Variants in LYRM4 observed in about 807,000 individuals in gnomAD.
LYRM4 encodes the protein LYR motif containing 4, also known as LYR motif-containing protein 4.
Under a neutral mutation model 11.7 loss-of-function variants are expected in LYRM4, and 9 were observed. The observed-to-expected ratio is 0.77, with a 90% CI of 0.46 to 1.34. LYRM4 has a LOEUF of 1.34. LYRM4 is among the 40% of genes most tolerant of loss of function. The probability of loss-of-function intolerance (pLI) is 0.00; values close to 1 mark genes in which losing one functional copy is unlikely to be tolerated. For missense variants in LYRM4, 133 were observed against 112.5 expected, an observed-to-expected ratio of 1.18 and a Z score of -0.82; for synonymous variants, 42 against 40.4, an observed-to-expected ratio of 1.04 and a Z score of -0.15.
At chr6:5,081,198 C>A in the LYRM4 span, among the ~76,000 whole-genome samples, 1 of 146,494 alleles carries the variant, frequency 6.8e-6, no homozygotes, top group African/African-American at 2.6e-5. Context: ...ATGTTAACAT[C>A]ATTTAACTAT....
At chr6:5,155,779 A>G (rs1434444370) in intron 2 of LYRM4, among the ~76,000 whole-genome samples, 4 of 152,230 alleles carry the variant, frequency 2.6e-5, no homozygotes, top group Non-Finnish European at 4.4e-5. Context: ...AGGAGCACTT[A>G]GGAAAGTTTA....
rs550618688 is a variant in LYRM4, at chr6:5,128,240, T to G, written c.208-18749A>C. On this transcript the variant is annotated intron_variant, in intron 2 of 2. Transcript: ENST00000330636. Reference sequence around the variant, plus strand: ...TTCTTACTGTCTGCAGAGAAATATTTTATAGAAGCTGCCATAGTGAAGAGG... The same window carrying G: ...TTCTTACTGTCTGCAGAGAAATATTGTATAGAAGCTGCCATAGTGAAGAGG... Among the ~76,000 whole-genome samples, 4 of 152,304 alleles carry G rather than the reference T, an allele frequency of 2.6e-5. No individual in the cohort carries two copies. In the South Asian group the frequency reaches 8.3e-4, roughly 32 times the overall value.
chr6:5,119,471 T>A (rs75118391), intron 2 of LYRM4, among the ~76,000 whole-genome samples: 1 of 152,190 alleles, frequency 6.6e-6, no homozygotes, highest in East Asian at 1.9e-4. Context: ...ACCGGCTTGT[T>A]GTCTTTCTGA....
At chr6:5,055,456 G>A in the LYRM4 span, among the ~76,000 whole-genome samples, 3 of 152,166 alleles carry the variant, frequency 2.0e-5, no homozygotes, top group Non-Finnish European at 2.9e-5. This position sits in a 1 kb window ranked among gnomAD's most constrained non-coding sequence, Gnocchi z 4.5. Context: ...GAATGGACAC[G>A]GTTTCACCCT....
intron 2 of LYRM4, among the ~76,000 whole-genome samples, chr6:5,152,604 C>G (rs1309781821): frequency 6.6e-6 from 1 of 152,160 alleles, no homozygotes; most frequent in African/African-American, 2.4e-5. Context: ...TGGCTGTTCC[C>G]CTCTGTTGTA....
intron 2 of LYRM4, among the ~76,000 whole-genome samples, chr6:5,172,455 G>C (rs754730454): frequency 1.2e-4 from 19 of 152,126 alleles, no homozygotes; most frequent in Non-Finnish European, 1.8e-4. Context: ...CTTTTGCTTT[G>C]ATGCTAGCGT....
intron 1 of LYRM4, among the ~76,000 whole-genome samples, chr6:5,250,633 A>T (rs2773311): frequency 0.31 from 47,151 of 152,100 alleles, 9,789 homozygotes; most frequent in African/African-American, 0.59. Context: ...TTGCCTGTGG[A>T]GCATTGTTGA....
At chr6:5,134,357 GAA>G (rs1025113165) in intron 2 of LYRM4, among the ~76,000 whole-genome samples, 8 of 152,174 alleles carry the variant, frequency 5.3e-5, no homozygotes, top group African/African-American at 1.9e-4. Context: ...TAAGGAAAAA[GAA>G]GAGCAAGGAA....
At chr6:5,091,811 C>G in the LYRM4 span, among the ~76,000 whole-genome samples, 14 of 152,182 alleles carry the variant, frequency 9.2e-5, no homozygotes, top group African/African-American at 3.4e-4. Context: ...TTATACAAAC[C>G]ACGCATATAC....
chr6:5,112,892 T>G (rs75252127), intron 2 of LYRM4, among the ~76,000 whole-genome samples: 1 of 151,608 alleles, frequency 6.6e-6, no homozygotes, highest in African/African-American at 2.4e-5. Context: ...ATGGGCTGAG[T>G]GTGGATAGAG....
At chr6:5,187,125 A>G in intron 2 of LYRM4, 1 of 667,408 alleles carries the variant, frequency 1.5e-6, no homozygotes, top group Non-Finnish European at 1.9e-6. Context: ...ACATGCTAAT[A>G]GCACAAAATA....
chr6:5,174,784 ATGT>A (rs1259333516), intron 2 of LYRM4, among the ~76,000 whole-genome samples: 1 of 152,206 alleles, frequency 6.6e-6, no homozygotes, highest in African/African-American at 2.4e-5. Context: ...TTTTGAACAG[ATGT>A]TGTCATGCTT....
chr6:5,078,997 C>T, the LYRM4 span, among the ~76,000 whole-genome samples: 563 of 152,274 alleles, frequency 3.7e-3, 2 homozygotes, highest in Middle Eastern at 6.8e-3. Context: ...AAAGGCTTTT[C>T]CTCTATCCTC....
intron 2 of LYRM4, among the ~76,000 whole-genome samples, chr6:5,143,324 G>A (rs1027889433): frequency 1.5e-4 from 23 of 152,136 alleles, no homozygotes; most frequent in African/African-American, 5.3e-4. Flanking sequence ...GCACAGTTTC[G>A]CCACTGGGGA....
At chr6:5,216,477 G>A (rs1762277392) in intron 2 of LYRM4, 141 bp downstream of exon 2, 4 of 910,272 alleles carry the variant, frequency 4.4e-6, no homozygotes, top group Non-Finnish European at 6.8e-6. Context: ...ACCTTTACAT[G>A]TCTGTATTAG....
intron 2 of LYRM4, among the ~76,000 whole-genome samples, chr6:5,188,963 G>A (rs1387454547): frequency 6.6e-6 from 1 of 152,090 alleles, no homozygotes; most frequent in Non-Finnish European, 1.5e-5. Flanking sequence ...GTTTCACCAT[G>A]TTGCCCAGGC....
chr6:5,114,542 G>A (rs946224489), intron 2 of LYRM4, among the ~76,000 whole-genome samples: 5 of 152,140 alleles, frequency 3.3e-5, no homozygotes, highest in African/African-American at 1.2e-4. Flanking sequence ...CCTATCACCT[G>A]GGGAGGTGCA....
the LYRM4 span, among the ~76,000 whole-genome samples, chr6:5,060,906 A>G: frequency 6.6e-6 from 1 of 152,226 alleles, no homozygotes. Context: ...CCAACTAGTT[A>G]TACCAGTGGT....
intron 1 of LYRM4, among the ~76,000 whole-genome samples, chr6:5,243,626 G>T (rs1764012098): frequency 6.6e-6 from 1 of 152,132 alleles, no homozygotes; most frequent in African/African-American, 2.4e-5. Context: ...TGAAGCGTTT[G>T]AGAGACCGTG....
Sources: gnomAD v4.1 joint callset for allele counts (sites outside exome capture counted in the v4.1 genomes callset) on GRCh38, gnomAD v4.1.1 for gene constraint, Gnocchi (gnomAD v3.1) non-coding constraint, MANE v1.5 for transcripts, NCBI Gene and HGNC (gene_info 2026-07-23, HGNC 2026-07-21) for gene names.